The following RUVBL2 variants were observed in gnomAD, a reference collection of about 807,000 sequenced individuals.
RUVBL2 encodes the protein RuvB like AAA ATPase 2, also known as ruvB-like 2.
Under a neutral mutation model 57.9 loss-of-function variants are expected in RUVBL2, and 9 were observed. That is an observed-to-expected ratio of 0.16 (90% CI 0.09 to 0.27). RUVBL2 has a LOEUF of 0.27. Among genes scored for constraint, RUVBL2 ranks in the 10% least tolerant of loss-of-function variants. The probability of loss-of-function intolerance (pLI) is 1.00; values close to 1 mark genes in which losing one functional copy is unlikely to be tolerated. For synonymous variants in RUVBL2, 278 were observed against 264.6 expected (o/e 1.05, Z -0.49); for missense variants, 456 against 669.6 (o/e 0.68, Z 3.52).
At chr19:49,007,656 C>T (rs1461737209) in intron 6 of RUVBL2, among the ~76,000 whole-genome samples, 1 of 152,164 alleles carries the variant, frequency 6.6e-6, no homozygotes, top group Non-Finnish European at 1.5e-5. Flanking sequence ...CGTTCCGTGG[C>T]CGAAAGGCAT....
intron 13 of RUVBL2, 77 bp from the exon 14 acceptor site, chr19:49,015,495 G>C: frequency 9.1e-7 from 1 of 1,097,024 alleles, no homozygotes; most frequent in Non-Finnish European, 1.4e-6. Context: ...CTAGAGCATG[G>C]AGGTGGCATA....
chr19:49,004,951 G>A (rs570664852), intron 4 of RUVBL2, among the ~76,000 whole-genome samples: 87 of 151,554 alleles, frequency 5.7e-4, no homozygotes, highest in African/African-American at 1.7e-3. Flanking sequence ...TGGGCAAAAG[G>A]TTGTTGTAAA....
In RUVBL2 at chr19:49,007,365, G is replaced by A; in HGVS notation, c.459G>A (p.Gly153=). Residue 153 remains glycine, a synonymous_variant, in exon 6 of 15, where the codon GGG becomes GGA. Transcript: ENST00000595090. ...VEIQIDRPAT[G]TGSKVGKLTL... Reference sequence around the variant, plus strand: ...TCCAGATTGATCGACCAGCAACAGGGACGGTGAGTCTGTGTGAGTCTGTAC... The same window carrying A: ...TCCAGATTGATCGACCAGCAACAGGAACGGTGAGTCTGTGTGAGTCTGTAC... 3 of 1,613,888 alleles carry A rather than the reference G, an allele frequency of 1.9e-6. No individual in the cohort carries two copies. In the South Asian group the frequency reaches 3.3e-5, roughly 18 times the overall value.
At chr19:48,996,248 A>G (rs1416396024) in intron 1 of RUVBL2, among the ~76,000 whole-genome samples, 2 of 152,070 alleles carry the variant, frequency 1.3e-5, no homozygotes, top group Non-Finnish European at 2.9e-5. Flanking sequence ...CCTTATTAGA[A>G]ATTATGAACT....
Position 49,003,340 on chromosome 19 carries a change from G to T in RUVBL2, c.123+6G>T, listed in dbSNP as rs375185321. 3 of 1,613,700 alleles carry T rather than the reference G, an allele frequency of 1.9e-6. No individual in the cohort carries two copies. The African/African-American group carries it at 4.0e-5, about 22-fold the overall frequency. Reference sequence around the variant, plus strand: ...ATGCCTTGGAGCCTCGGCAGGTAGAGCAGAGGAGGCTGGGGTGTGAGGGCC... The same window carrying T: ...ATGCCTTGGAGCCTCGGCAGGTAGATCAGAGGAGGCTGGGGTGTGAGGGCC... On this transcript the variant is annotated splice_donor_region_variant and intron_variant, in intron 3 of 14. Transcript: ENST00000595090.
intron 1 of RUVBL2, among the ~76,000 whole-genome samples, chr19:48,995,467 T>C (rs764394882): frequency 2.6e-5 from 4 of 151,428 alleles, no homozygotes; most frequent in Non-Finnish European, 5.9e-5. Flanking sequence ...TGACCATTGA[T>C]GGCCAGAAAG....
At position 49,015,061 on chromosome 19, in the gene RUVBL2, A is replaced by G; in HGVS notation, c.1162A>G (p.Thr388Ala). The change falls in exon 13 of 15, where the codon ACG becomes GCG. Residue 388 changes from threonine (T) to alanine (A), a missense_variant. Around this residue, in one of 5 missense-constraint regions of RUVBL2, gnomAD observed 130 missense variants for 243.0 expected, o/e 0.53. Coordinates refer to ENST00000595090, the MANE Select transcript of RUVBL2 (RefSeq NM_006666.3). Reference protein sequence around the residue: ...EDVEMSEDAYTVLTRIGLETS... With the variant: ...EDVEMSEDAYAVLTRIGLETS... ...TGTGGAGATGAGTGAGGACGCCTAC[A>G]CGGTGCTGACCCGCATCGGGCTGGA... The G allele has an allele frequency of 6.2e-7, 1 of 1,608,502 alleles. No individual in the cohort carries two copies. The highest frequency in any genetic ancestry group is 8.5e-7 in the Non-Finnish European group (1 of 1,177,556).
Position 49,014,392 on chromosome 19 carries a change from G to A in RUVBL2, c.1002-92G>A. ...GGTTAAGTGGTGTTGGGCCCAGTGAGTGGGTGGCGATGGGAGGTGAGAGTG... is the reference window on the plus strand; with the variant it reads ...GGTTAAGTGGTGTTGGGCCCAGTGAATGGGTGGCGATGGGAGGTGAGAGTG... On this transcript the variant is annotated intron_variant, in intron 11 of 14. Transcript: ENST00000595090. 8 of 1,485,256 alleles carry A rather than the reference G, an allele frequency of 5.4e-6. No individual in the cohort carries two copies. The South Asian group carries it at 1.0e-4, about 19-fold the overall frequency. 92.0% of individuals were successfully genotyped at this position (1,485,256 alleles called of 1,614,324 possible).
intron 2 of RUVBL2, among the ~76,000 whole-genome samples, chr19:49,001,983 G>T (rs553251007): frequency 6.6e-6 from 1 of 152,086 alleles, no homozygotes; most frequent in East Asian, 1.9e-4. Context: ...TCCTCTTGCA[G>T]TGCGAAGGCA....
chr19:49,012,869 A>ACACT (rs2039458888), intron 11 of RUVBL2, among the ~76,000 whole-genome samples: 1 of 149,494 alleles, frequency 6.7e-6, no homozygotes, highest in Non-Finnish European at 1.5e-5. Flanking sequence ...ACACACACAC[A>ACACT]CACACACACA....
chr19:49,007,737 C>T (rs1486476798), intron 6 of RUVBL2, among the ~76,000 whole-genome samples: 1 of 152,118 alleles, frequency 6.6e-6, no homozygotes, highest in Non-Finnish European at 1.5e-5. Flanking sequence ...CAGAGTCTCC[C>T]TCTGTCCCCC....
rs1384631871 is a variant in RUVBL2 at position 48,999,267 on chromosome 19, G to A, written c.13-52G>A. The A allele has an allele frequency of 1.3e-5, 20 of 1,589,540 alleles. No homozygotes were observed. In the East Asian group the frequency reaches 4.2e-4, roughly 34 times the overall value. On this transcript the variant is annotated intron_variant, in intron 1 of 14. Coordinates refer to ENST00000595090, the MANE Select transcript of RUVBL2 (RefSeq NM_006666.3). ...TCATGGGAGGGACAGAGGAGGGGTT[G>A]GTGAAAGCTGGGACCACACTAGTCC...
At chr19:49,014,902 C>G in intron 12 of RUVBL2, 119 bp from the exon 13 acceptor site, 21 of 1,374,196 alleles carry the variant, frequency 1.5e-5, no homozygotes, top group Non-Finnish European at 2.1e-5. Context: ...TTCTATGGTT[C>G]TAAGATGCAG....
upstream of RUVBL2, chr19:48,993,811 C>T (rs1190437301): frequency 7.0e-6 from 10 of 1,427,662 alleles, no homozygotes; most frequent in African/African-American, 2.8e-5. Context: ...TTATGAGGAA[C>T]CATCGAGATC....
rs770891055 is a variant in RUVBL2 at position 49,011,106 on chromosome 19, G to C, written c.882+13G>C. 7.7e-7 allele frequency: 1 copy of C among 1,292,196 alleles called. No individual in the cohort carries two copies. The highest frequency in any genetic ancestry group is 1.2e-5 in the South Asian group (1 of 84,222). The allele number at this position is 1,292,196 out of a possible 1,614,324, so 80.0% of individuals were successfully genotyped here. ...GATCATCCCTGGAGTGAGGACCCAGGACATGGCCGGGGCGGGTGGTGGGGT... is the reference window on the plus strand; with the variant it reads ...GATCATCCCTGGAGTGAGGACCCAGCACATGGCCGGGGCGGGTGGTGGGGT... On this transcript the variant is annotated intron_variant, in intron 10 of 14. Transcript: ENST00000595090. The surrounding 1 kb of genome is among the most constrained non-coding windows in gnomAD (Gnocchi z 4.4).
At position 49,014,334 on chromosome 19, in the gene RUVBL2, G is replaced by A. The variant is rs531702894; in HGVS notation, c.1002-150G>A. On this transcript the variant is annotated intron_variant, in intron 11 of 14. Coordinates refer to ENST00000595090, the MANE Select transcript of RUVBL2 (RefSeq NM_006666.3). ...TGTGGAAGGCTGCGTCATCAGGGGT[G>A]ATGTCATCATGTGACAGGAGACGCG... is the stretch of plus-strand genomic sequence containing the variant. 3 of 878,724 alleles carry A rather than the reference G, an allele frequency of 3.4e-6. No homozygotes were observed. In the South Asian group the frequency reaches 5.2e-5, roughly 15 times the overall value. The allele number at this position is 878,724 out of a possible 1,614,324, so 54.4% of individuals were successfully genotyped here.
intron 6 of RUVBL2, among the ~76,000 whole-genome samples, chr19:49,008,725 C>A (rs976792667): frequency 6.6e-6 from 1 of 151,966 alleles, no homozygotes; most frequent in Admixed American, 6.6e-5. Flanking sequence ...TGCCTATAAT[C>A]CCAGCACTTT....
At chr19:48,997,894 C>T (rs1320961861) in intron 1 of RUVBL2, among the ~76,000 whole-genome samples, 3 of 152,148 alleles carry the variant, frequency 2.0e-5, no homozygotes, top group South Asian at 2.1e-4. Flanking sequence ...GTAGCTGGCT[C>T]CTCTCTGTGG....
rs1455291251 is a variant in RUVBL2, at chr19:48,996,502, C to G, written c.12+2579C>G. On this transcript the variant is annotated intron_variant, in intron 1 of 14. Transcript: ENST00000595090. ...CACCACGCCCAGCTAATTTTTGTATCTGTGTGTGTGTGTGTGTGTGTGTGT... is the reference window on the plus strand; with the variant it reads ...CACCACGCCCAGCTAATTTTTGTATGTGTGTGTGTGTGTGTGTGTGTGTGT... 2.2e-5 allele frequency among the ~76,000 whole-genome samples: 3 copies of G among 138,252 alleles called. No individual in the cohort carries two copies. In the East Asian group the frequency reaches 6.4e-4, roughly 29 times the overall value. 90.7% of individuals were successfully genotyped at this position (138,252 alleles called of 152,430 possible). A position where few individuals can be genotyped will look rare whatever the true frequency, so the allele number is the denominator to read the frequency against.
Sources: allele counts gnomAD v4.1 joint callset (sites outside exome capture counted in the v4.1 genomes callset), GRCh38; gene constraint gnomAD v4.1.1; regional missense constraint gnomAD v4.1.1; non-coding constraint Gnocchi (gnomAD v3.1); transcripts MANE v1.5; gene names NCBI Gene and HGNC (gene_info 2026-07-23, HGNC 2026-07-21).